Variants in CFAP52 observed in about 807,000 individuals in gnomAD.
The protein encoded by CFAP52 is cilia and flagella associated protein 52, also known as cilia- and flagella-associated protein 52.
In CFAP52, 57 loss-of-function variants were observed where a neutral mutation model predicts 70.5. That is an observed-to-expected ratio of 0.81 (90% CI 0.65 to 1.01). The LOEUF (loss-of-function observed/expected upper bound fraction) is 1.01. Among genes scored for constraint, CFAP52 ranks in the 50% least tolerant of loss-of-function variants. The pLI, the probability that CFAP52 is intolerant of heterozygous loss-of-function variation, is 0.00. For missense variants in CFAP52, 785 were observed against 788.5 expected, an observed-to-expected ratio of 1.00 and a Z score of 0.05; for synonymous variants, 267 against 292.5, an observed-to-expected ratio of 0.91 and a Z score of 0.89.
intron 1 of CFAP52, among the ~76,000 whole-genome samples, chr17:9,583,489 C>G (rs1426506737): frequency 6.6e-6 from 1 of 150,842 alleles, no homozygotes; most frequent in Non-Finnish European, 1.5e-5. Flanking sequence ...TTTTAAAAAC[C>G]CAAGAATAAA....
intron 10 of CFAP52, among the ~76,000 whole-genome samples, chr17:9,634,633 G>A (rs1458293677): frequency 6.6e-6 from 1 of 151,652 alleles, no homozygotes. Context: ...GTGTGGTGGT[G>A]CACTCCTGTA....
intron 6 of CFAP52, among the ~76,000 whole-genome samples, chr17:9,605,067 T>C (rs530700795): frequency 2.4e-4 from 36 of 152,306 alleles, no homozygotes; most frequent in Admixed American, 3.9e-4. Context: ...ACTCTTACCA[T>C]GTAATGCAGC....
chr17:9,632,763 G>A, intron 9 of CFAP52, 125 bp from the exon 10 acceptor site: 1 of 1,377,474 alleles, frequency 7.3e-7, no homozygotes, highest in Non-Finnish European at 9.6e-7. Flanking sequence ...ATTCAGCTGA[G>A]CTGGTCTCTT....
At chr17:9,635,371 T>C in intron 10 of CFAP52, 34 bp from the exon 11 acceptor site, 1 of 1,612,502 alleles carries the variant, frequency 6.2e-7, no homozygotes, top group East Asian at 2.2e-5. Flanking sequence ...AAGTCCCAAG[T>C]GTGGATCAAG....
chr17:9,594,892 G>GATT (rs1567623484), intron 4 of CFAP52, among the ~76,000 whole-genome samples: 2 of 39,050 alleles, frequency 5.1e-5, no homozygotes, highest in African/African-American at 9.3e-5. Context: ...AATTAGGGAG[G>GATT]GTTTTTTTTT....
At chr17:9,581,837 A>G (rs1026921365) in intron 1 of CFAP52, among the ~76,000 whole-genome samples, 2 of 152,190 alleles carry the variant, frequency 1.3e-5, no homozygotes, top group Non-Finnish European at 2.9e-5. Context: ...AGCCAATCAG[A>G]CATTCCCACT....
chr17:9,636,231 G>GAAAGAAAGAAAGAAAGAA (rs1567637204), intron 11 of CFAP52, among the ~76,000 whole-genome samples: 1 of 147,248 alleles, frequency 6.8e-6, no homozygotes, highest in African/African-American at 2.6e-5. Context: ...AAGAAAGAAA[G>GAAAGAAAGAAAGAAAGAA]AAAGAAAGAA....
intron 4 of CFAP52, among the ~76,000 whole-genome samples, chr17:9,596,059 G>GTGTGTGTATGTA (rs1555541607): frequency 5.9e-5 from 5 of 85,212 alleles, no homozygotes; most frequent in Non-Finnish European, 1.2e-4. Context: ...ATATGTGTGT[G>GTGTGTGTATGTA]TATATATATA....
chr17:9,593,035 TA>T (rs1447545611), intron 3 of CFAP52, among the ~76,000 whole-genome samples: 1 of 152,228 alleles, frequency 6.6e-6, no homozygotes, highest in Non-Finnish European at 1.5e-5. Context: ...CCTACCTCCC[TA>T]TTCCTGGTGA....
At chr17:9,581,519 GAGAGAGAGAGGGGAT>G (rs1024983884) in intron 1 of CFAP52, among the ~76,000 whole-genome samples, 1 of 151,160 alleles carries the variant, frequency 6.6e-6, no homozygotes, top group Non-Finnish European at 1.5e-5. Flanking sequence ...ATATGTTTGA[GAGAGAGAGAGGGGAT>G]AGAGAGAGAG....
intron 1 of CFAP52, among the ~76,000 whole-genome samples, chr17:9,579,620 T>C (rs1908122371): frequency 6.6e-6 from 1 of 152,182 alleles, no homozygotes; most frequent in South Asian, 2.1e-4. Context: ...CAGGCTGGAG[T>C]GCAGTGGTGC....
chr17:9,607,345 C>T (rs1409926802), intron 6 of CFAP52, among the ~76,000 whole-genome samples: 1 of 151,862 alleles, frequency 6.6e-6, no homozygotes, highest in East Asian at 1.9e-4. Context: ...GACTCTGCCT[C>T]AAAAAAACAA....
intron 6 of CFAP52, among the ~76,000 whole-genome samples, chr17:9,607,144 G>A (rs565571606): frequency 1.3e-5 from 2 of 152,202 alleles, no homozygotes; most frequent in South Asian, 4.1e-4. Flanking sequence ...TGAGGAGTTC[G>A]AGACCAGCCT....
At position 9,612,451 on chromosome 17, in the gene CFAP52, G is replaced by T; in HGVS notation, c.997G>T (p.Asp333Tyr). ...KETLIATCHF[D>Y]AVEDIVFPFG... ...GACGCTCATAGCGACTTGTCACTTTGATGCTGTCGAGGATATTGTCTTTCC... is the reference window on the plus strand; with the variant it reads ...GACGCTCATAGCGACTTGTCACTTTTATGCTGTCGAGGATATTGTCTTTCC... Residue 333 changes from aspartate to tyrosine, a missense_variant, in exon 8 of 14, where the codon GAT (aspartate) becomes TAT (tyrosine). Transcript: ENST00000352665. The T allele has an allele frequency of 6.2e-7, 1 of 1,614,114 alleles. No individual in the cohort carries two copies. Among genetic ancestry groups the T allele is most frequent in the South Asian group, 1.1e-5 (1 of 91,072 alleles).
intron 6 of CFAP52, 41 bp downstream of exon 6, chr17:9,600,224 C>A: frequency 1.3e-6 from 2 of 1,525,548 alleles, no homozygotes; most frequent in South Asian, 1.1e-5. Flanking sequence ...ATTTTTCTCC[C>A]TTCACTGGCA....
chr17:9,632,234 T>C (rs1910574769), intron 9 of CFAP52, among the ~76,000 whole-genome samples: 1 of 151,052 alleles, frequency 6.6e-6, no homozygotes, highest in Admixed American at 6.6e-5. Flanking sequence ...CATGCCACCA[T>C]GCGAGGCAAG....
intron 6 of CFAP52, among the ~76,000 whole-genome samples, chr17:9,603,844 A>G (rs1437612839): frequency 6.6e-6 from 1 of 152,122 alleles, no homozygotes; most frequent in East Asian, 1.9e-4. Flanking sequence ...ATTTTTAAAA[A>G]AAGAAAGCAC....
At chr17:9,631,078 GAAAGA>G (rs1910512820) in intron 9 of CFAP52, among the ~76,000 whole-genome samples, 1 of 129,736 alleles carries the variant, frequency 7.7e-6, no homozygotes, top group African/African-American at 3.1e-5. Flanking sequence ...AAGAAAGAAA[GAAAGA>G]GAAAGAAAGA....
At chr17:9,601,171 C>T (rs1313113026) in intron 6 of CFAP52, among the ~76,000 whole-genome samples, 1 of 149,148 alleles carries the variant, frequency 6.7e-6, no homozygotes, top group African/African-American at 2.5e-5. Flanking sequence ...AACAAAAAAC[C>T]AAACACCACA....
Sources: gnomAD v4.1 joint callset for allele counts (sites outside exome capture counted in the v4.1 genomes callset) on GRCh38, gnomAD v4.1.1 for gene constraint, MANE v1.5 for transcripts, NCBI Gene and HGNC (gene_info 2026-07-23, HGNC 2026-07-21) for gene names.